NAALADL2: variants seen among roughly 807,000 people sequenced by gnomAD.
NAALADL2 encodes inactive N-acetylated-alpha-linked acidic dipeptidase-like protein 2.
A neutral mutation model predicts 87.2 loss-of-function variants in NAALADL2; 76 were observed. The observed-to-expected ratio is 0.87, with a 90% CI of 0.72 to 1.05. The LOEUF (loss-of-function observed/expected upper bound fraction) is 1.05. Among genes scored for constraint, NAALADL2 ranks in the 50% least tolerant of loss-of-function variants. NAALADL2 has a pLI of 0.00. For synonymous variants in NAALADL2, 354 were observed against 331.0 expected (o/e 1.07, Z -0.75); for missense variants, 1,089 against 945.8 (o/e 1.15, Z -1.99).
At chr3:175,082,724 T>G (rs1247493312) in intron 1 of NAALADL2, among the ~76,000 whole-genome samples, 3 of 152,226 alleles carry the variant, frequency 2.0e-5, no homozygotes, top group Non-Finnish European at 4.4e-5. Context: ...TTAGGAGCTA[T>G]TTAATTAAAT....
intron 5 of NAALADL2, among the ~76,000 whole-genome samples, chr3:175,396,458 A>G (rs571362923): frequency 2.6e-5 from 4 of 152,152 alleles, no homozygotes; most frequent in Non-Finnish European, 5.9e-5. Context: ...TTCCTTCTGG[A>G]TAATACATCC....
chr3:174,811,439 G>A (rs1349169259), intron 3 of NAALADL2, among the ~76,000 whole-genome samples: 1 of 152,110 alleles, frequency 6.6e-6, no homozygotes, highest in Non-Finnish European at 1.5e-5. Context: ...GAGTCAAAGG[G>A]GATTGTTTTG....
At chr3:175,301,196 C>T (rs749778489) in intron 4 of NAALADL2, among the ~76,000 whole-genome samples, 12 of 152,042 alleles carry the variant, frequency 7.9e-5, no homozygotes, top group Non-Finnish European at 1.3e-4. Flanking sequence ...CCTGCTTTCT[C>T]CTGTGGGCAT....
At chr3:174,792,006 C>T (rs1033242011) in intron 3 of NAALADL2, among the ~76,000 whole-genome samples, 6 of 151,974 alleles carry the variant, frequency 3.9e-5, no homozygotes, top group African/African-American at 7.3e-5. Flanking sequence ...GCCAGGAGTT[C>T]GAGACCGGCC....
At chr3:175,119,807 CTA>C (rs201153636) in intron 2 of NAALADL2, among the ~76,000 whole-genome samples, 55,526 of 144,032 alleles carry the variant, frequency 0.39, 10,900 homozygotes, top group East Asian at 0.44. Flanking sequence ...ACTTATGTAT[CTA>C]TATATAAAAG....
chr3:175,133,210 C>T (rs1391000476), intron 2 of NAALADL2, among the ~76,000 whole-genome samples: 19 of 150,416 alleles, frequency 1.3e-4, no homozygotes, highest in Admixed American at 7.9e-4. Context: ...GGATGGCGGC[C>T]GGGCAGAGAC....
intron 3 of NAALADL2, among the ~76,000 whole-genome samples, chr3:174,743,868 T>C (rs1733995259): frequency 6.6e-6 from 1 of 151,876 alleles, no homozygotes; most frequent in Non-Finnish European, 1.5e-5. Context: ...TTTGAGGAAA[T>C]TGAAACATGA....
At position 175,179,148 on chromosome 3, in the gene NAALADL2, AAC is replaced by A. The variant is rs1170496334; in HGVS notation, c.546-54779_546-54778del. On this transcript the variant is annotated intron_variant, in intron 2 of 13. Transcript: ENST00000454872. ...TTATTTTACTTTCCTAACTGCTCCTAACACAAAATATACTTCCATTGATAAAT... is the reference window on the plus strand; with the variant it reads ...TTATTTTACTTTCCTAACTGCTCCTAACAAAATATACTTCCATTGATAAAT... 1.4e-4 allele frequency among the ~76,000 whole-genome samples: 21 copies of A among 152,144 alleles called. No homozygotes were observed. The East Asian group carries it at 3.9e-3, about 28-fold the overall frequency.
At chr3:174,526,143 CACTT>C (rs1054798300) in intron 1 of NAALADL2, among the ~76,000 whole-genome samples, 2 of 152,176 alleles carry the variant, frequency 1.3e-5, no homozygotes, top group Non-Finnish European at 2.9e-5. Flanking sequence ...GCTTCTCCCT[CACTT>C]ACCAGTTGAG....
intron 2 of NAALADL2, among the ~76,000 whole-genome samples, chr3:175,180,970 G>T (rs964277542): frequency 6.6e-6 from 1 of 151,986 alleles, no homozygotes; most frequent in Admixed American, 6.6e-5. Flanking sequence ...CTAAAGTTTT[G>T]TTAATAACTG....
chr3:174,784,322 T>G lies in NAALADL2; in HGVS notation c.-9+46576T>G, dbSNP rs145345227. On this transcript the variant is annotated intron_variant, in intron 3 of 3. Transcript: ENST00000434257. ...TTGATGGTGCTATCAGAGGTGTATT[T>G]GTCTAAAAATCTCCAATTGCATTAT... Among the ~76,000 whole-genome samples, 474 of 152,328 alleles carry G rather than the reference T, an allele frequency of 3.1e-3. 15 individuals carry two copies. The East Asian group carries it at 0.076, about 24-fold the overall frequency.
intron 5 of NAALADL2, among the ~76,000 whole-genome samples, chr3:175,442,484 A>G (rs1038635138): frequency 6.6e-6 from 1 of 152,164 alleles, no homozygotes; most frequent in African/African-American, 2.4e-5. Context: ...CTTTGGCTCT[A>G]TGGCTCTGAA....
intron 2 of NAALADL2, among the ~76,000 whole-genome samples, chr3:175,160,622 G>A (rs537818794): frequency 6.5e-4 from 98 of 151,824 alleles, no homozygotes; most frequent in Non-Finnish European, 1.0e-3. Context: ...AAAGTGCTGG[G>A]ATTACAGGCG....
chr3:175,649,909 G>GAA (rs540263929), intron 11 of NAALADL2, among the ~76,000 whole-genome samples: 1 of 151,410 alleles, frequency 6.6e-6, no homozygotes. Flanking sequence ...TAACTCTAAA[G>GAA]AAAAAAAGTT....
chr3:175,381,505 ATTAT>A (rs1581662681), intron 5 of NAALADL2, among the ~76,000 whole-genome samples: 1 of 152,078 alleles, frequency 6.6e-6, no homozygotes, highest in African/African-American at 2.4e-5. Flanking sequence ...ATCTTCTTAA[ATTAT>A]TTACATATTT....
intron 10 of NAALADL2, among the ~76,000 whole-genome samples, chr3:175,617,889 C>T (rs756877964): frequency 7.9e-5 from 12 of 152,106 alleles, no homozygotes; most frequent in East Asian, 1.9e-4. Flanking sequence ...TCTAGTCTTA[C>T]GTAAGCCCTC....
rs546111701 is a variant in NAALADL2 at position 174,623,064 on chromosome 3, G to T, written c.-115+72427G>T. Among the ~76,000 whole-genome samples the T allele has an allele frequency of 6.6e-4, 101 of 152,266 alleles. 1 individual carries two copies. The highest frequency in any genetic ancestry group is 2.3e-3 in the African/African-American group (95 of 41,572). On this transcript the variant is annotated intron_variant, in intron 2 of 3. Coordinates refer to the NAALADL2 transcript ENST00000434257. ...TCTCAAAAAAAAAGAGGACTCATCTGTCTGAAATGGTGGGCATCCCTAGGG... is the reference window on the plus strand; with the variant it reads ...TCTCAAAAAAAAAGAGGACTCATCTTTCTGAAATGGTGGGCATCCCTAGGG...
At chr3:174,773,216 C>T (rs1406829427) in intron 3 of NAALADL2, among the ~76,000 whole-genome samples, 1 of 152,112 alleles carries the variant, frequency 6.6e-6, no homozygotes, top group African/African-American at 2.4e-5. Flanking sequence ...GCTCTCAGGC[C>T]TGTTAAAGTA....
intron 9 of NAALADL2, among the ~76,000 whole-genome samples, chr3:175,525,564 A>G (rs1733274901): frequency 1.3e-5 from 2 of 152,102 alleles, no homozygotes; most frequent in Admixed American, 6.5e-5. Flanking sequence ...TTATTCCTCA[A>G]TAATTATTTT....
Sources: allele counts gnomAD v4.1 joint callset (sites outside exome capture counted in the v4.1 genomes callset), GRCh38; gene constraint gnomAD v4.1.1; transcripts MANE v1.5; gene names NCBI Gene and HGNC (gene_info 2026-07-23, HGNC 2026-07-21).